Variants in ATP10B observed in about 807,000 individuals in gnomAD.
ATP10B encodes the protein ATPase phospholipid transporting 10B (putative).
Under a neutral mutation model 141.2 loss-of-function variants are expected in ATP10B, and 122 were observed. The observed-to-expected ratio is 0.86, with a 90% confidence interval of 0.75 to 1.00. The LOEUF (loss-of-function observed/expected upper bound fraction) is 1.00. Ranked by LOEUF, ATP10B falls within the 50% of genes least tolerant of loss-of-function variation. ATP10B has a pLI of 0.00. For synonymous variants in ATP10B, 685 were observed against 692.0 expected (o/e 0.99, Z 0.16); for missense variants, 1,876 against 1,825.3 (o/e 1.03, Z -0.51).
At chr5:160,888,646 G>A in the ATP10B span, among the ~76,000 whole-genome samples, 10 of 152,292 alleles carry the variant, frequency 6.6e-5, no homozygotes, top group South Asian at 2.1e-4. Flanking sequence ...TGTAGACTGC[G>A]AAGCAATTCC....
At chr5:160,681,427 C>G (rs1208629779) in intron 6 of ATP10B, among the ~76,000 whole-genome samples, 1 of 152,174 alleles carries the variant, frequency 6.6e-6, no homozygotes, top group African/African-American at 2.4e-5. Context: ...GCCTCTGCCT[C>G]CCAGGCCTGC....
the ATP10B span, among the ~76,000 whole-genome samples, chr5:160,923,520 G>A: frequency 6.6e-6 from 1 of 152,220 alleles, no homozygotes; most frequent in African/African-American, 2.4e-5. Flanking sequence ...ATAAATGTGT[G>A]CAGAGCTGAC....
chr5:160,914,166 G>GT, the ATP10B span, among the ~76,000 whole-genome samples: 2 of 152,196 alleles, frequency 1.3e-5, no homozygotes, highest in African/African-American at 2.4e-5. Context: ...AATTGAACAG[G>GT]TTTTTTTATG....
chr5:160,803,598 C>A (rs1318206962), intron 1 of ATP10B, among the ~76,000 whole-genome samples: 4 of 152,144 alleles, frequency 2.6e-5, no homozygotes, highest in African/African-American at 9.7e-5. Flanking sequence ...ATCATTGGAA[C>A]CCCGGAGGTG....
intron 1 of ATP10B, among the ~76,000 whole-genome samples, chr5:160,808,085 A>G (rs1426016936): frequency 6.6e-6 from 1 of 152,234 alleles, no homozygotes; most frequent in African/African-American, 2.4e-5. Context: ...ACTCAAAGTC[A>G]ATATGAACAC....
At chr5:160,878,225 G>T in the ATP10B span, among the ~76,000 whole-genome samples, 15 of 151,158 alleles carry the variant, frequency 9.9e-5, no homozygotes, top group South Asian at 3.2e-3. Context: ...CAGAAATAAT[G>T]CCACATATCT....
chr5:160,809,223 A>C (rs912278152), intron 1 of ATP10B, among the ~76,000 whole-genome samples: 3 of 152,198 alleles, frequency 2.0e-5, no homozygotes, highest in African/African-American at 7.2e-5. Context: ...AATCTTTAAA[A>C]ATAAGAGAAA....
At chr5:160,878,945 A>G in the ATP10B span, among the ~76,000 whole-genome samples, 2 of 141,440 alleles carry the variant, frequency 1.4e-5, no homozygotes, top group African/African-American at 5.3e-5. Context: ...GTGGGACTGT[A>G]AACTAGTTCA....
At chr5:160,667,762 A>G (rs916861052) in intron 7 of ATP10B, among the ~76,000 whole-genome samples, 15 of 152,192 alleles carry the variant, frequency 9.9e-5, no homozygotes, top group Non-Finnish European at 1.9e-4. Context: ...ACTAATTAAT[A>G]TGCAAAACAT....
chr5:160,777,848 T>C (rs1250909507), intron 2 of ATP10B, among the ~76,000 whole-genome samples: 1 of 152,236 alleles, frequency 6.6e-6, no homozygotes, highest in Non-Finnish European at 1.5e-5. Flanking sequence ...GGTACATTTC[T>C]ACTATACAAT....
the ATP10B span, among the ~76,000 whole-genome samples, chr5:160,907,124 C>T: frequency 3.3e-5 from 5 of 152,098 alleles, no homozygotes; most frequent in African/African-American, 4.8e-5. Flanking sequence ...TTAATCAAAT[C>T]GTTTTCTGTA....
intron 24 of ATP10B, among the ~76,000 whole-genome samples, chr5:160,589,248 G>T (rs1756111972): frequency 6.6e-6 from 1 of 152,134 alleles, no homozygotes; most frequent in Non-Finnish European, 1.5e-5. Context: ...CTGACCTCAG[G>T]TGATCTGTCC....
chr5:160,658,849 C>T (rs1195357291), intron 7 of ATP10B, among the ~76,000 whole-genome samples: 1 of 152,148 alleles, frequency 6.6e-6, no homozygotes, highest in Non-Finnish European at 1.5e-5. Context: ...TCCACATGAA[C>T]CTGAGGTCCA....
intron 2 of ATP10B, among the ~76,000 whole-genome samples, chr5:160,725,863 T>C (rs941351668): frequency 1.3e-5 from 2 of 152,232 alleles, no homozygotes; most frequent in Non-Finnish European, 2.9e-5. Context: ...TCAGATTTTT[T>C]AATAATCTGG....
chr5:160,812,295 G>A (rs1163205111), intron 1 of ATP10B, among the ~76,000 whole-genome samples: 1 of 152,064 alleles, frequency 6.6e-6, no homozygotes, highest in Non-Finnish European at 1.5e-5. Context: ...AAGGAGGATG[G>A]GTAGAAACAA....
At chr5:160,582,717 A>G (rs1257470891) in intron 24 of ATP10B, among the ~76,000 whole-genome samples, 2 of 152,208 alleles carry the variant, frequency 1.3e-5, no homozygotes, top group African/African-American at 2.4e-5. Flanking sequence ...CAGGTACACC[A>G]ATCAAATATA....
intron 2 of ATP10B, among the ~76,000 whole-genome samples, chr5:160,764,072 G>C (rs899769960): frequency 3.3e-5 from 5 of 151,868 alleles, no homozygotes; most frequent in African/African-American, 4.8e-5. Context: ...TTTAAAAATT[G>C]TCAAGAAAAT....
intron 1 of ATP10B, among the ~76,000 whole-genome samples, chr5:160,841,883 C>A (rs1244938127): frequency 6.6e-6 from 1 of 152,144 alleles, no homozygotes; most frequent in Non-Finnish European, 1.5e-5. Context: ...TGCCACCATG[C>A]CCAGCTAATT....
intron 1 of ATP10B, among the ~76,000 whole-genome samples, chr5:160,826,995 T>C (rs1030047278): frequency 6.6e-6 from 1 of 152,230 alleles, no homozygotes; most frequent in African/African-American, 2.4e-5. Context: ...GTTCTGCCTT[T>C]TGCCCTGGTC....
Sources: allele counts gnomAD v4.1 joint callset (sites outside exome capture counted in the v4.1 genomes callset), GRCh38; gene constraint gnomAD v4.1.1; transcripts MANE v1.5; gene names NCBI Gene and HGNC (gene_info 2026-07-23, HGNC 2026-07-21).